The following PRDM16 variants were observed in gnomAD, a reference collection of about 807,000 sequenced individuals.
PRDM16 encodes the protein PR/SET domain 16.
A neutral mutation model predicts 110.6 loss-of-function variants in PRDM16; 23 were observed. That is an observed-to-expected ratio of 0.21 (90% CI 0.15 to 0.29). The LOEUF is 0.29. Ranked by LOEUF, PRDM16 falls within the 10% of genes least tolerant of loss-of-function variation. PRDM16 has a pLI of 1.00. For synonymous variants in PRDM16, 799 were observed against 781.8 expected (o/e 1.02, Z -0.37); for missense variants, 1,615 against 1,794.3 (o/e 0.90, Z 1.81).
Position 3,339,640 on chromosome 1 carries a change from GAC to G in PRDM16, c.439-45510_439-45509del, listed in dbSNP as rs1642231621. 6.6e-6 allele frequency among the ~76,000 whole-genome samples: 1 copy of G among 152,126 alleles called. No homozygotes were observed. The highest frequency in any genetic ancestry group is 1.5e-5 in the Non-Finnish European group (1 of 68,004). Reference sequence around the variant, plus strand: ...CACCTCCCACCTTGCTCGTGAAGGTGACAGTCCTACTGCGGACCCCTGGCTGC... The same window carrying G: ...CACCTCCCACCTTGCTCGTGAAGGTGAGTCCTACTGCGGACCCCTGGCTGC... On this transcript the variant is annotated intron_variant, in intron 3 of 16. Coordinates refer to ENST00000270722, the MANE Select transcript of PRDM16 (RefSeq NM_022114.4). This position sits in a 1 kb window ranked among gnomAD's most constrained non-coding sequence, Gnocchi z 5.0.
At chr1:3,249,219 GAGT>G (rs1639867895) in intron 3 of PRDM16, among the ~76,000 whole-genome samples, 1 of 146,172 alleles carries the variant, frequency 6.8e-6, no homozygotes, top group African/African-American at 2.5e-5. Context: ...GGGAGGAAGG[GAGT>G]AGGGGGCAGG....
At chr1:3,191,474 C>T (rs967841071) in intron 2 of PRDM16, among the ~76,000 whole-genome samples, 1 of 152,172 alleles carries the variant, frequency 6.6e-6, no homozygotes, top group Non-Finnish European at 1.5e-5. Flanking sequence ...CCCTGTGGAC[C>T]AGGAGCTACA....
chr1:3,232,859 T>C (rs1639448581), intron 2 of PRDM16, among the ~76,000 whole-genome samples: 1 of 152,172 alleles, frequency 6.6e-6, no homozygotes, highest in South Asian at 2.1e-4. Flanking sequence ...GTCCTGGGTC[T>C]TGGGGCTTTC....
chr1:3,406,392 G>A (rs1036600402), intron 8 of PRDM16, among the ~76,000 whole-genome samples: 6 of 152,074 alleles, frequency 3.9e-5, no homozygotes, highest in South Asian at 2.1e-4. Flanking sequence ...AGCTGTGAGC[G>A]TAGAGGCCCA....
rs58318632 is a variant in PRDM16, at chr1:3,318,490, AT to A, written c.439-66657del. ...TCTGTTGATTGATTATCAATTGATT[AT>A]TTTTCTACCATCTATTGATTGTTGA... On this transcript the variant is annotated intron_variant, in intron 3 of 16. Coordinates refer to ENST00000270722, the MANE Select transcript of PRDM16 (RefSeq NM_022114.4). Among the ~76,000 whole-genome samples, 457 of 152,226 alleles carry A rather than the reference AT, an allele frequency of 3.0e-3. 4 individuals carry two copies. Among genetic ancestry groups the A allele is most frequent in the African/African-American group, 0.011 (444 of 41,524 alleles).
At chr1:3,414,417 TG>T in intron 9 of PRDM16, 142 bp from the exon 10 acceptor site, 1 of 648,984 alleles carries the variant, frequency 1.5e-6, no homozygotes, top group Non-Finnish European at 2.8e-6. Flanking sequence ...TGGTGAGCGT[TG>T]GGGCAGCCAC....
intron 2 of PRDM16, among the ~76,000 whole-genome samples, chr1:3,238,990 C>T (rs2249318): frequency 0.11 from 17,411 of 152,232 alleles, 1,169 homozygotes; most frequent in African/African-American, 0.2. Flanking sequence ...TCCGCGTCTG[C>T]GGTGCCTGGG....
In PRDM16 at chr1:3,119,049, C is replaced by T. The variant is rs941394759; in HGVS notation, c.37+49753C>T. Among the ~76,000 whole-genome samples, 9 of 152,244 alleles carry T rather than the reference C, an allele frequency of 5.9e-5. No individual in the cohort carries two copies. The East Asian group carries it at 1.4e-3, about 23-fold the overall frequency. ...CCTCCCTGTAGAGCTGGGGGTGGCC[C>T]GGGAGGTGGGAGACGGTATGGCCAT... is the stretch of plus-strand genomic sequence containing the variant. On this transcript the variant is annotated intron_variant, in intron 1 of 16. Coordinates refer to ENST00000270722, the MANE Select transcript of PRDM16 (RefSeq NM_022114.4).
At chr1:3,241,782 A>G (rs1297760034) in intron 2 of PRDM16, among the ~76,000 whole-genome samples, 1 of 152,202 alleles carries the variant, frequency 6.6e-6, no homozygotes, top group Non-Finnish European at 1.5e-5. Flanking sequence ...GTGCAAGTGA[A>G]AATGCAGCTG....
chr1:3,227,073 G>A (rs1057169314), intron 2 of PRDM16, among the ~76,000 whole-genome samples: 6 of 152,252 alleles, frequency 3.9e-5, no homozygotes, highest in Middle Eastern at 3.2e-3. Context: ...ATAATCAGCC[G>A]TTGTCACGTG....
At chr1:3,371,259 A>G (rs1207712562) in intron 3 of PRDM16, among the ~76,000 whole-genome samples, 2 of 136,298 alleles carry the variant, frequency 1.5e-5, no homozygotes, top group African/African-American at 5.6e-5. Context: ...TCATCCATCC[A>G]CCATCCATTC....
chr1:3,094,518 C>T (rs1451723785), intron 1 of PRDM16, among the ~76,000 whole-genome samples: 1 of 152,246 alleles, frequency 6.6e-6, no homozygotes, highest in Non-Finnish European at 1.5e-5. Flanking sequence ...GGAGTGCAGA[C>T]ATGGCTGCCC....
At chr1:3,089,423 C>T (rs951641718) in intron 1 of PRDM16, among the ~76,000 whole-genome samples, 6 of 152,328 alleles carry the variant, frequency 3.9e-5, no homozygotes, top group African/African-American at 1.2e-4. Context: ...TTTGGGAACT[C>T]GGAGCTGAGG....
rs566075934 is a variant in PRDM16, at chr1:3,292,468, G to A, written c.438+48331G>A. On this transcript the variant is annotated intron_variant, in intron 3 of 16. Transcript: ENST00000270722. ...AACCACACTTGAGCCGTCGCTCTCC[G>A]CCTGGCTGCGCCTCTATCTGGGGCC... Among the ~76,000 whole-genome samples the A allele has an allele frequency of 3.3e-5, 5 of 152,340 alleles. No homozygotes were observed. The South Asian group carries it at 6.2e-4, about 19-fold the overall frequency.
At chr1:3,310,954 C>T (rs555483680) in intron 3 of PRDM16, among the ~76,000 whole-genome samples, 3 of 151,444 alleles carry the variant, frequency 2.0e-5, no homozygotes, top group South Asian at 4.2e-4. Flanking sequence ...GTCTGTGAGA[C>T]GTGTGGGTGT....
chr1:3,343,047 A>G (rs560463965), intron 3 of PRDM16, among the ~76,000 whole-genome samples: 5 of 152,242 alleles, frequency 3.3e-5, no homozygotes, highest in Admixed American at 2.0e-4. Context: ...AGTAGGATAC[A>G]TGAATGTCTA....
Position 3,245,321 on chromosome 1 carries a change from C to A in PRDM16, c.438+1184C>A, listed in dbSNP as rs926568020. Among the ~76,000 whole-genome samples, 1 of 152,156 alleles carries A rather than the reference C, an allele frequency of 6.6e-6. No individual in the cohort carries two copies. The highest frequency in any genetic ancestry group is 6.5e-5 in the Admixed American group (1 of 15,276). On this transcript the variant is annotated intron_variant, in intron 3 of 16. Transcript: ENST00000270722. The surrounding 1 kb of genome is among the most constrained non-coding windows in gnomAD (Gnocchi z 4.7). ...CCTGCCAAACTCCCAGTCTCTGAGC[C>A]GAGGCATTTGGGCAGAGCTGCCTAC...
At chr1:3,177,853 G>A (rs2100772718) in intron 1 of PRDM16, among the ~76,000 whole-genome samples, 1 of 152,340 alleles carries the variant, frequency 6.6e-6, no homozygotes, top group South Asian at 2.1e-4. Context: ...TGTTTTGGAT[G>A]GGCCAGGTGA....
chr1:3,165,427 G>A (rs111896684), intron 1 of PRDM16, among the ~76,000 whole-genome samples: 3 of 132,042 alleles, frequency 2.3e-5, no homozygotes, highest in Non-Finnish European at 3.2e-5. Flanking sequence ...CTGGGCTCAG[G>A]GACAGTGACT....
Sources: gnomAD v4.1 joint callset for allele counts (sites outside exome capture counted in the v4.1 genomes callset) on GRCh38, gnomAD v4.1.1 for gene constraint, Gnocchi (gnomAD v3.1) non-coding constraint, MANE v1.5 for transcripts, NCBI Gene and HGNC (gene_info 2026-07-23, HGNC 2026-07-21) for gene names.